Variants in RARB observed in about 807,000 individuals in gnomAD.
The protein encoded by RARB is retinoic acid receptor beta, also known as HBV-activated protein.
In RARB, 17 loss-of-function variants were observed where a neutral mutation model predicts 51.9. That is an observed-to-expected ratio of 0.33 (90% confidence interval 0.22 to 0.49). The LOEUF (loss-of-function observed/expected upper bound fraction) is 0.49, where lower values mean the gene tolerates loss of function less well. RARB is among the 20% of genes least tolerant of loss of function. RARB has a pLI of 0.99. For missense variants in RARB, 369 were observed against 550.8 expected, an observed-to-expected ratio of 0.67 and a Z score of 3.30; for synonymous variants, 215 against 195.4, an observed-to-expected ratio of 1.10 and a Z score of -0.84.
intron 2 of RARB, among the ~76,000 whole-genome samples, chr3:24,956,781 C>T (rs1156439725): frequency 1.3e-5 from 2 of 152,138 alleles, no homozygotes; most frequent in Admixed American, 1.3e-4. Flanking sequence ...AGGAAGTGAA[C>T]TTAAGTCAAC....
chr3:25,508,537 T>C (rs928183124), intron 3 of RARB, among the ~76,000 whole-genome samples: 1 of 152,210 alleles, frequency 6.6e-6, no homozygotes, highest in Non-Finnish European at 1.5e-5. Flanking sequence ...GAAATTCATA[T>C]TGTAGGTTGC....
At chr3:25,101,810 G>T (rs1559466680) in intron 3 of RARB, among the ~76,000 whole-genome samples, 1 of 151,960 alleles carries the variant, frequency 6.6e-6, no homozygotes, top group Admixed American at 6.6e-5. Context: ...CACCAAGAGT[G>T]TATGAGGATC....
intron 3 of RARB, among the ~76,000 whole-genome samples, chr3:25,068,257 T>G (rs949219981): frequency 1.3e-5 from 2 of 148,518 alleles, no homozygotes; most frequent in Non-Finnish European, 3.0e-5. Flanking sequence ...CACAACCCCT[T>G]TCCCCTTTCA....
At chr3:25,185,411 C>T (rs966801976) in intron 5 of RARB, among the ~76,000 whole-genome samples, 1 of 152,040 alleles carries the variant, frequency 6.6e-6, no homozygotes, top group Non-Finnish European at 1.5e-5. Context: ...TAAACAATCT[C>T]TAATAATGCT....
At chr3:24,962,565 C>T (rs1360076076) in intron 2 of RARB, among the ~76,000 whole-genome samples, 2 of 152,178 alleles carry the variant, frequency 1.3e-5, no homozygotes, top group Non-Finnish European at 2.9e-5. Context: ...AGGAGTTAAG[C>T]AGCAAGCAAA....
intron 2 of RARB, among the ~76,000 whole-genome samples, chr3:25,477,516 C>G (rs1001697995): frequency 1.3e-5 from 2 of 152,192 alleles, no homozygotes; most frequent in Non-Finnish European, 2.9e-5. Context: ...TAACAGATGC[C>G]TTCTGTTCAT....
chr3:25,362,959 G>A (rs1415784493), intron 5 of RARB, among the ~76,000 whole-genome samples: 3 of 152,092 alleles, frequency 2.0e-5, no homozygotes, highest in African/African-American at 2.4e-5. Context: ...TATGGCAAAT[G>A]TTGATGAGTA....
intron 4 of RARB, among the ~76,000 whole-genome samples, chr3:25,164,350 C>A (rs75081419): frequency 0.016 from 2,440 of 152,258 alleles, 55 homozygotes; most frequent in African/African-American, 0.055. Context: ...CCTTAACCTG[C>A]TTCATATAGG....
intron 5 of RARB, among the ~76,000 whole-genome samples, chr3:25,236,845 C>G (rs1388249444): frequency 6.6e-6 from 1 of 151,620 alleles, no homozygotes; most frequent in Non-Finnish European, 1.5e-5. Flanking sequence ...TATTATTTAT[C>G]TGGAAGATCT....
chr3:24,886,035 C>T (rs1208841992), intron 2 of RARB, among the ~76,000 whole-genome samples: 1 of 152,150 alleles, frequency 6.6e-6, no homozygotes, highest in Admixed American at 6.5e-5. Flanking sequence ...ACTGAGAGCT[C>T]AGCCCATATA....
chr3:25,007,666 CT>C (rs1200126460), intron 2 of RARB, among the ~76,000 whole-genome samples: 1 of 147,824 alleles, frequency 6.8e-6, no homozygotes, highest in Non-Finnish European at 1.5e-5. Context: ...AAAAAGAATA[CT>C]TTCAAAAGTT....
chr3:25,322,452 T>A (rs9822411), intron 5 of RARB, among the ~76,000 whole-genome samples: 20,862 of 152,114 alleles, frequency 0.14, 1,596 homozygotes, highest in South Asian at 0.2. Flanking sequence ...AAGTTCTGAT[T>A]TTCTTACTGG....
chr3:25,409,324 G>T (rs1368038810), intron 5 of RARB, among the ~76,000 whole-genome samples: 6 of 152,124 alleles, frequency 3.9e-5, no homozygotes, highest in Non-Finnish European at 7.4e-5. Context: ...GTTAGCAAAG[G>T]CTCTGCAAAC....
chr3:24,833,957 T>G (rs745883484), intron 1 of RARB, among the ~76,000 whole-genome samples: 1 of 152,210 alleles, frequency 6.6e-6, no homozygotes, highest in Non-Finnish European at 1.5e-5. Context: ...CACCTATTAT[T>G]TTTGTCCTGA....
chr3:25,144,533 G>A (rs1240147405), intron 4 of RARB, among the ~76,000 whole-genome samples: 1 of 152,116 alleles, frequency 6.6e-6, no homozygotes, highest in Non-Finnish European at 1.5e-5. Context: ...TTAAAAAGTG[G>A]CAATGTGATG....
At chr3:25,073,741 C>T (rs1698816669) in intron 3 of RARB, among the ~76,000 whole-genome samples, 1 of 152,116 alleles carries the variant, frequency 6.6e-6, no homozygotes, top group African/African-American at 2.4e-5. Context: ...AAACAAATAT[C>T]ATGGCTACAA....
intron 2 of RARB, among the ~76,000 whole-genome samples, chr3:24,932,777 G>C (rs933519485): frequency 3.3e-5 from 5 of 152,114 alleles, no homozygotes; most frequent in Admixed American, 2.6e-4. Flanking sequence ...GAAACATTCC[G>C]TGGGATTGTA....
chr3:25,549,202 G>C (rs1368075798), intron 3 of RARB, among the ~76,000 whole-genome samples: 1 of 152,014 alleles, frequency 6.6e-6, no homozygotes, highest in African/African-American at 2.4e-5. Flanking sequence ...AGGGGCAGCA[G>C]ATAGAACAAT....
At chr3:25,567,694 C>G (rs575329665) in intron 3 of RARB, among the ~76,000 whole-genome samples, 5 of 152,306 alleles carry the variant, frequency 3.3e-5, no homozygotes, top group Admixed American at 2.0e-4. Context: ...CATGGTACCT[C>G]TGCGTATAAC....
Sources: allele counts gnomAD v4.1 joint callset (sites outside exome capture counted in the v4.1 genomes callset), GRCh38; gene constraint gnomAD v4.1.1; transcripts MANE v1.5; gene names NCBI Gene and HGNC (gene_info 2026-07-23, HGNC 2026-07-21).